NTM: variants seen among roughly 807,000 people sequenced by gnomAD.
NTM encodes IgLON family member 2.
Under a neutral mutation model 42.1 loss-of-function variants are expected in NTM, and 13 were observed. The ratio of observed to expected loss-of-function variants is 0.31; its 90% confidence interval spans 0.20 to 0.49. The LOEUF is 0.49. NTM is among the 20% of genes least tolerant of loss of function. The pLI is 0.99. For missense variants in NTM, 373 were observed against 452.8 expected (o/e 0.82, Z 1.60); for synonymous variants, 187 against 179.2 (o/e 1.04, Z -0.35).
chr11:132,036,295 A>G (rs936215408), intron 2 of NTM, among the ~76,000 whole-genome samples: 2 of 152,136 alleles, frequency 1.3e-5, no homozygotes, highest in African/African-American at 2.4e-5. Context: ...CCTAGGCTCC[A>G]AGTTCACATT....
intron 2 of NTM, among the ~76,000 whole-genome samples, chr11:131,940,850 A>G (rs1382636868): frequency 6.6e-6 from 1 of 152,240 alleles, no homozygotes; most frequent in Admixed American, 6.5e-5. Context: ...TATCGCAATT[A>G]TTTAAGTAAA....
intron 2 of NTM, among the ~76,000 whole-genome samples, chr11:131,941,876 T>C (rs1002495422): frequency 3.4e-5 from 5 of 145,308 alleles, no homozygotes; most frequent in Non-Finnish European, 7.7e-5. Context: ...AGATCCATTC[T>C]AATGGGCAGG....
chr11:132,103,154 G>A (rs2061837687), intron 2 of NTM, among the ~76,000 whole-genome samples: 1 of 152,240 alleles, frequency 6.6e-6, no homozygotes, highest in Admixed American at 6.5e-5. Context: ...GCGCACACAG[G>A]CGCAGGCAGC....
At chr11:132,212,868 G>A (rs891620778) in intron 4 of NTM, among the ~76,000 whole-genome samples, 1 of 151,986 alleles carries the variant, frequency 6.6e-6, no homozygotes, top group African/African-American at 2.4e-5. Flanking sequence ...TAATAGTCCA[G>A]CCTCTCTTCT....
At chr11:131,787,314 C>G (rs949698610) in intron 1 of NTM, among the ~76,000 whole-genome samples, 1 of 149,412 alleles carries the variant, frequency 6.7e-6, no homozygotes, top group Non-Finnish European at 1.5e-5. Context: ...GAAAATACTT[C>G]ACAGTATTTT....
Position 131,670,686 on chromosome 11 carries a change from C to T in NTM, c.83-240878C>T, listed in dbSNP as rs147723749. Among the ~76,000 whole-genome samples, 235 of 152,274 alleles carry T rather than the reference C, an allele frequency of 1.5e-3. 1 individual carries two copies. Among genetic ancestry groups the T allele is most frequent in the African/African-American group, 5.2e-3 (217 of 41,560 alleles). ...CAGTCGAGGGCTAGGACTACTGTGT[C>T]CCCTTCTCCTCCCTGCCTCACTTGC... is the stretch of plus-strand genomic sequence containing the variant. On this transcript the variant is annotated intron_variant, in intron 1 of 8. Transcript: ENST00000683400.
chr11:132,314,942 ATATG>A, intron 7 of NTM: 1 of 1,259,582 alleles, frequency 7.9e-7, no homozygotes, highest in Non-Finnish European at 1.0e-6. Flanking sequence ...ACAAAGTAGT[ATATG>A]TATAGTACAT....
At position 132,247,380 on chromosome 11, in the gene NTM, C is replaced by A. The variant is rs148500631; in HGVS notation, c.526+35233C>A. On this transcript the variant is annotated intron_variant, in intron 4 of 8. Coordinates refer to ENST00000683400, the MANE Select transcript of NTM (RefSeq NM_001352005.2). ...AAACCGGCTTAGGCCTCTGTTTTTA[C>A]ATCGCAAAAATGGGGATCATAACTT... Among the ~76,000 whole-genome samples the A allele has an allele frequency of 3.6e-3, 547 of 152,260 alleles. 1 individual carries two copies. The highest frequency in any genetic ancestry group is 0.012 in the African/African-American group (516 of 41,558).
intron 2 of NTM, among the ~76,000 whole-genome samples, chr11:132,077,508 C>A (rs781680727): frequency 1.3e-5 from 2 of 152,104 alleles, no homozygotes; most frequent in Non-Finnish European, 2.9e-5. Flanking sequence ...TTTTCTTCAA[C>A]CCCCACTATC....
intron 4 of NTM, among the ~76,000 whole-genome samples, chr11:132,257,834 T>C (rs1162800477): frequency 6.6e-6 from 1 of 152,186 alleles, no homozygotes; most frequent in Non-Finnish European, 1.5e-5. Context: ...AAAGAATTTC[T>C]CCTCTGTCTC....
chr11:132,134,747 A>G (rs868004311), intron 2 of NTM, among the ~76,000 whole-genome samples: 11 of 89,664 alleles, frequency 1.2e-4, no homozygotes, highest in Middle Eastern at 5.6e-3. Flanking sequence ...ATATATATAT[A>G]TATATATATA....
At chr11:131,794,675 T>A in intron 1 of NTM, 1 of 985,348 alleles carries the variant, frequency 1.0e-6, no homozygotes, top group Non-Finnish European at 1.2e-6. Context: ...AAACTGCACC[T>A]TTTAGAAGTC....
intron 1 of NTM, among the ~76,000 whole-genome samples, chr11:131,879,704 A>G (rs966442027): frequency 1.3e-5 from 2 of 150,602 alleles, no homozygotes; most frequent in Non-Finnish European, 1.5e-5. Flanking sequence ...TGAATCAGAA[A>G]GATTGGAATC....
At chr11:131,588,125 C>CAGAA (rs56068435) in intron 1 of NTM, among the ~76,000 whole-genome samples, 18,414 of 152,300 alleles carry the variant, frequency 0.12, 3,000 homozygotes, top group African/African-American at 0.37. Context: ...AACCGAGGCA[C>CAGAA]AGATTATTGT....
chr11:131,537,367 C>T (rs907201883), intron 1 of NTM: 4 of 152,160 alleles, frequency 2.6e-5, no homozygotes, highest in African/African-American at 9.7e-5. Flanking sequence ...ACACGTGAGC[C>T]TGAGGAAGAG....
chr11:131,763,988 T>C (rs2084698205), intron 1 of NTM, among the ~76,000 whole-genome samples: 1 of 152,044 alleles, frequency 6.6e-6, no homozygotes, highest in South Asian at 2.1e-4. Flanking sequence ...ATTTGTTTAA[T>C]TACATAACTA....
intron 1 of NTM, among the ~76,000 whole-genome samples, chr11:131,664,550 CCT>C (rs2068655185): frequency 6.6e-6 from 1 of 152,110 alleles, no homozygotes; most frequent in African/African-American, 2.4e-5. Context: ...TTAAATTCCC[CCT>C]CTCTCCAGCT....
intron 1 of NTM, among the ~76,000 whole-genome samples, chr11:131,432,717 C>T (rs973849696): frequency 2.0e-5 from 3 of 152,018 alleles, no homozygotes; most frequent in Non-Finnish European, 2.9e-5. Flanking sequence ...CCAAAGGCAA[C>T]CATTTTCAGC....
intron 2 of NTM, among the ~76,000 whole-genome samples, chr11:132,090,217 A>G (rs1330802064): frequency 1.3e-5 from 2 of 152,220 alleles, no homozygotes; most frequent in East Asian, 3.9e-4. Context: ...CATGGGCTAT[A>G]TGTAGGAAAA....
Sources: gnomAD v4.1 joint callset for allele counts (sites outside exome capture counted in the v4.1 genomes callset) on GRCh38, gnomAD v4.1.1 for gene constraint, MANE v1.5 for transcripts, NCBI Gene and HGNC (gene_info 2026-07-23, HGNC 2026-07-21) for gene names.